The following NUMA1 variants were observed in gnomAD, a reference collection of about 807,000 sequenced individuals.
NUMA1 encodes the protein SP-H antigen.
Under a neutral mutation model 237.1 loss-of-function variants are expected in NUMA1, and 62 were observed. The ratio of observed to expected loss-of-function variants is 0.26; its 90% CI spans 0.21 to 0.32. The LOEUF (loss-of-function observed/expected upper bound fraction) is 0.32, where lower values mean the gene tolerates loss of function less well. NUMA1 is among the 10% of genes least tolerant of loss of function. NUMA1 has a pLI of 1.00. For synonymous variants in NUMA1, 1,028 were observed against 1,066.1 expected (o/e 0.96, Z 0.70); for missense variants, 2,533 against 2,666.5 (o/e 0.95, Z 1.10).
intron 2 of NUMA1, among the ~76,000 whole-genome samples, chr11:72,069,159 C>T (rs1302037887): frequency 6.6e-6 from 1 of 152,204 alleles, no homozygotes; most frequent in Admixed American, 6.5e-5. Context: ...AAGACATGTA[C>T]AATATCTGTC....
At chr11:72,024,207 T>A (rs1451605619) in intron 5 of NUMA1, 67 bp downstream of exon 5, 6 of 1,448,338 alleles carry the variant, frequency 4.1e-6, no homozygotes, top group Non-Finnish European at 5.8e-6. Flanking sequence ...AACTAGTTCC[T>A]CTGGACTCTC....
chr11:72,068,797 T>C (rs1229662936), intron 2 of NUMA1, among the ~76,000 whole-genome samples: 1 of 152,228 alleles, frequency 6.6e-6, no homozygotes, highest in African/African-American at 2.4e-5. Context: ...AGTTATTTAC[T>C]TATTCTAACA....
chr11:72,008,535 G>A (rs1955912841), intron 20 of NUMA1, 153 bp downstream of exon 20: 3 of 832,520 alleles, frequency 3.6e-6, no homozygotes, highest in Admixed American at 4.8e-5. Context: ...TATTCCAACT[G>A]TGCCCTAAAT....
chr11:72,018,246 C>T lies in NUMA1; in HGVS notation c.915G>A (p.Glu305=), dbSNP rs1938175338. The change falls in exon 12 of 27, where the codon GAG becomes GAA. Residue 305 remains glutamate, a synonymous_variant. Transcript: ENST00000393695. ...TGATTTTGCGATCCATCTGGCTCTT[C>T]TCTGTCTTCAGGTCCTGGCACTGCT... is the stretch of plus-strand genomic sequence containing the variant. ...TLKQCQDLKT[E]KSQMDRKINQ... The T allele has an allele frequency of 1.2e-6, 2 of 1,614,120 alleles. No individual in the cohort carries two copies. Among genetic ancestry groups the T allele is most frequent in the African/African-American group, 2.7e-5 (2 of 74,942 alleles).
At chr11:72,074,582 TAA>T (rs956528379) in intron 1 of NUMA1, among the ~76,000 whole-genome samples, 1 of 151,128 alleles carries the variant, frequency 6.6e-6, no homozygotes, top group East Asian at 1.9e-4. Context: ...CTACTAAAAA[TAA>T]AAAGAGTTGC....
intron 2 of NUMA1, among the ~76,000 whole-genome samples, chr11:72,038,785 T>TC (rs1275803274): frequency 6.9e-6 from 1 of 144,160 alleles, no homozygotes; most frequent in Non-Finnish European, 1.5e-5. Flanking sequence ...GCACCCCCCG[T>TC]CCCCCCCACA....
chr11:72,058,068 T>C (rs969303720), intron 2 of NUMA1, among the ~76,000 whole-genome samples: 2 of 151,682 alleles, frequency 1.3e-5, no homozygotes, highest in Non-Finnish European at 2.9e-5. Context: ...CAAAACTACA[T>C]CTCAAAAAAA....
Position 72,014,800 on chromosome 11 carries a change from G to A in NUMA1, c.2703C>T (p.Asp901=), listed in dbSNP as rs561672347. The change falls in exon 15 of 27, where the codon GAC becomes GAT. Residue 901 remains aspartate, a synonymous_variant. Coordinates refer to ENST00000393695, the MANE Select transcript of NUMA1 (RefSeq NM_006185.4). The surrounding 1 kb of genome is among the most constrained non-coding windows in gnomAD (Gnocchi z 4.6). ...CCATCTTTTCCTGCAGAGTGGAGAG[G>A]TCATCTGCAAGCTTCTGGGCCCTGA... ...KEVRAQKLAD[D]LSTLQEKMAA... is the part of the protein sequence containing the mutation. 92 of 1,614,198 alleles carry A rather than the reference G, an allele frequency of 5.7e-5. 1 individual carries two copies. The South Asian group carries it at 8.6e-4, about 15-fold the overall frequency.
intron 2 of NUMA1, among the ~76,000 whole-genome samples, chr11:72,061,486 T>TTTTCTTTTC (rs201334608): frequency 1.0e-5 from 1 of 95,796 alleles, no homozygotes; most frequent in East Asian, 3.3e-4. Flanking sequence ...GTTTCTTTTC[T>TTTTCTTTTC]TTTTTTTTTT....
intron 20 of NUMA1, 30 bp downstream of exon 20, chr11:72,008,658 C>G (rs763122024): frequency 4.3e-6 from 7 of 1,612,378 alleles, no homozygotes; most frequent in South Asian, 2.2e-5. Context: ...ACTCCATAAA[C>G]AGACATAGGG....
chr11:72,069,568 A>C (rs949629540), intron 2 of NUMA1, among the ~76,000 whole-genome samples: 2 of 152,218 alleles, frequency 1.3e-5, no homozygotes, highest in Non-Finnish European at 2.9e-5. Flanking sequence ...CTCAATGGCC[A>C]ATGTTTAGTG....
intron 2 of NUMA1, among the ~76,000 whole-genome samples, chr11:72,061,012 T>C (rs887699845): frequency 6.6e-6 from 1 of 152,190 alleles, no homozygotes; most frequent in African/African-American, 2.4e-5. Flanking sequence ...GAGGCTGCAG[T>C]GAGCCGAGAT....
chr11:72,003,851 T>C (rs775324210), intron 26 of NUMA1, 36 bp downstream of exon 26: 2 of 1,605,462 alleles, frequency 1.2e-6, no homozygotes, highest in East Asian at 2.2e-5. Flanking sequence ...CATGCTCTCA[T>C]CGGGTTTCCC....
chr11:72,064,744 G>A (rs2136208874), intron 2 of NUMA1, among the ~76,000 whole-genome samples: 1 of 152,234 alleles, frequency 6.6e-6, no homozygotes, highest in East Asian at 1.9e-4. Context: ...GAGGTAGGAG[G>A]ATTGCTTGAG....
intron 16 of NUMA1, 141 bp downstream of exon 16, chr11:72,012,260 C>T (rs1169698357): frequency 1.3e-6 from 1 of 788,116 alleles, no homozygotes; most frequent in Non-Finnish European, 2.1e-6. Context: ...GCAGCCTGGG[C>T]CTGGATTCCA....
At chr11:72,007,751 T>C (rs1418563075) in intron 20 of NUMA1, 5 of 413,758 alleles carry the variant, frequency 1.2e-5, no homozygotes, top group Non-Finnish European at 2.2e-5. Context: ...TCCTCCTGCA[T>C]CTCCCATTTC....
Position 72,013,378 on chromosome 11 carries a change from G to T in NUMA1, c.4125C>A (p.Ala1375=), listed in dbSNP as rs34175433. Residue 1375 remains alanine (A), a synonymous_variant, in exon 15 of 27, where the codon GCC becomes GCA. Coordinates refer to ENST00000393695, the MANE Select transcript of NUMA1 (RefSeq NM_006185.4). The surrounding 1 kb of genome is among the most constrained non-coding windows in gnomAD (Gnocchi z 6.8). ...CCTCACGGTGGCGTTTCTCGGCAGC[G>T]GCCTGCTCGGCCTGCAGCTGCTGGC... ...HLCQQLQAEQ[A]AAEKRHREEL... is the part of the protein sequence containing the mutation. 2 of 1,610,896 alleles carry T rather than the reference G, an allele frequency of 1.2e-6. No individual in the cohort carries two copies. Among genetic ancestry groups the T allele is most frequent in the Non-Finnish European group, 1.7e-6 (2 of 1,179,832 alleles).
At chr11:72,042,180 C>T (rs1004765899) in intron 2 of NUMA1, 1 of 152,218 alleles carries the variant, frequency 6.6e-6, no homozygotes, top group Non-Finnish European at 1.5e-5. Flanking sequence ...ACAGCATTTC[C>T]CCCCACTGAA....
intron 2 of NUMA1, among the ~76,000 whole-genome samples, chr11:72,069,404 G>A (rs1239408665): frequency 6.6e-6 from 1 of 152,144 alleles, no homozygotes; most frequent in Non-Finnish European, 1.5e-5. Context: ...ACATACTTAT[G>A]TATACAGCTC....
Sources: gnomAD v4.1 joint callset for allele counts (sites outside exome capture counted in the v4.1 genomes callset) on GRCh38, gnomAD v4.1.1 for gene constraint, Gnocchi (gnomAD v3.1) non-coding constraint, MANE v1.5 for transcripts, NCBI Gene and HGNC (gene_info 2026-07-23, HGNC 2026-07-21) for gene names.